AGBL4: variants seen among roughly 807,000 people sequenced by gnomAD.
The protein encoded by AGBL4 is AGBL carboxypeptidase 4.
AGBL4 carries 58 observed loss-of-function variants against 66.4 expected under a neutral mutation model. The ratio of observed to expected loss-of-function variants is 0.87; its 90% confidence interval spans 0.71 to 1.09. The LOEUF (loss-of-function observed/expected upper bound fraction) is 1.09. Ranked by LOEUF, AGBL4 falls within the 50% of genes least tolerant of loss-of-function variation. AGBL4 has a pLI of 0.00. For missense variants in AGBL4, 579 were observed against 631.0 expected, an observed-to-expected ratio of 0.92 and a Z score of 0.88; for synonymous variants, 234 against 222.9, an observed-to-expected ratio of 1.05 and a Z score of -0.44.
intron 3 of AGBL4, among the ~76,000 whole-genome samples, chr1:49,322,935 G>A (rs1027747688): frequency 6.6e-6 from 1 of 152,156 alleles, no homozygotes; most frequent in Non-Finnish European, 1.5e-5. Context: ...TTCTGAGTGG[G>A]AAACAAGTAT....
In AGBL4 at chr1:49,543,848, C is replaced by T. The variant is rs190249532; in HGVS notation, c.282+153465G>A. 5.9e-5 allele frequency among the ~76,000 whole-genome samples: 9 copies of T among 152,288 alleles called. No homozygotes were observed. The East Asian group carries it at 9.7e-4, about 16-fold the overall frequency. On this transcript the variant is annotated intron_variant, in intron 3 of 13. Coordinates refer to ENST00000371839, the MANE Select transcript of AGBL4 (RefSeq NM_032785.4). ...AAAGTATCCCCTCGTAACTGTTGCA[C>T]TTTGAATTCTTGTTGTTTCACAAAA...
At chr1:48,604,147 CAAAACAA>C (rs960491748) in intron 9 of AGBL4, among the ~76,000 whole-genome samples, 6 of 151,730 alleles carry the variant, frequency 4.0e-5, no homozygotes, top group Admixed American at 6.6e-5. Context: ...CAAAACAAAA[CAAAACAA>C]AACAAAACAA....
chr1:49,618,833 C>T (rs534518554), intron 3 of AGBL4, among the ~76,000 whole-genome samples: 28 of 152,206 alleles, frequency 1.8e-4, no homozygotes, highest in African/African-American at 6.0e-4. Flanking sequence ...AATCAATAAA[C>T]GTAATACATC....
intron 8 of AGBL4, among the ~76,000 whole-genome samples, chr1:48,640,377 GT>G (rs1645734991): frequency 6.6e-6 from 1 of 152,088 alleles, no homozygotes. Context: ...ATAAACCCAG[GT>G]GCAGAGAAGA....
At chr1:49,632,053 T>C (rs1645580324) in intron 3 of AGBL4, among the ~76,000 whole-genome samples, 2 of 152,192 alleles carry the variant, frequency 1.3e-5, no homozygotes, top group Non-Finnish European at 2.9e-5. Context: ...CTGCCACATA[T>C]GTGCAGCACT....
At chr1:49,839,656 A>C (rs1272161590) in intron 2 of AGBL4, among the ~76,000 whole-genome samples, 1 of 152,182 alleles carries the variant, frequency 6.6e-6, no homozygotes, top group East Asian at 1.9e-4. Context: ...GACCAGAGAG[A>C]GGTGGAGTAG....
At chr1:49,724,332 A>ATTTT in intron 2 of AGBL4, among the ~76,000 whole-genome samples, 1 of 152,150 alleles carries the variant, frequency 6.6e-6, no homozygotes, top group Non-Finnish European at 1.5e-5. Flanking sequence ...ATATTTTATA[A>ATTTT]AATACTTGCT....
intron 3 of AGBL4, among the ~76,000 whole-genome samples, chr1:49,627,826 T>C (rs1645493681): frequency 6.6e-6 from 1 of 152,194 alleles, no homozygotes; most frequent in South Asian, 2.1e-4. Flanking sequence ...TGCAACTGTG[T>C]TGGATTAAAC....
At chr1:48,555,609 A>T (rs1449602654) in intron 11 of AGBL4, among the ~76,000 whole-genome samples, 1 of 152,232 alleles carries the variant, frequency 6.6e-6, no homozygotes, top group African/African-American at 2.4e-5. Flanking sequence ...TCTCCTGCAG[A>T]TAATGGGAAG....
At chr1:49,639,385 A>G (rs541047393) in intron 3 of AGBL4, among the ~76,000 whole-genome samples, 5 of 152,318 alleles carry the variant, frequency 3.3e-5, no homozygotes, top group Non-Finnish European at 7.3e-5. Flanking sequence ...AAATCCTCAT[A>G]ACAACTTGAT....
chr1:49,093,354 T>G (rs1645034284), intron 4 of AGBL4, among the ~76,000 whole-genome samples: 1 of 152,156 alleles, frequency 6.6e-6, no homozygotes, highest in Admixed American at 6.5e-5. Flanking sequence ...AGCCAATATC[T>G]TACTAGATTC....
At chr1:48,532,085 A>AT (rs1643909692), downstream of AGBL4, among the ~76,000 whole-genome samples, 1 of 152,148 alleles carries the variant, frequency 6.6e-6, no homozygotes, top group African/African-American at 2.4e-5. Context: ...CACCCGGCCT[A>AT]TTTTTTATTT....
chr1:49,573,154 G>A (rs1048444561), intron 3 of AGBL4, among the ~76,000 whole-genome samples: 2 of 142,172 alleles, frequency 1.4e-5, no homozygotes, highest in East Asian at 2.0e-4. Context: ...GTCTGTGTGT[G>A]TGTGTGTGTG....
At chr1:49,474,654 A>G (rs1646811635) in intron 3 of AGBL4, among the ~76,000 whole-genome samples, 1 of 151,642 alleles carries the variant, frequency 6.6e-6, no homozygotes, top group Admixed American at 6.6e-5. Context: ...GTATCCTGAG[A>G]CTTTGCTGAA....
intron 3 of AGBL4, among the ~76,000 whole-genome samples, chr1:49,359,778 T>C (rs1644098587): frequency 6.6e-6 from 1 of 152,030 alleles, no homozygotes; most frequent in Non-Finnish European, 1.5e-5. Flanking sequence ...GAAAGGGCCA[T>C]GTACCCACAG....
chr1:49,067,887 G>A (rs923212204), intron 4 of AGBL4, among the ~76,000 whole-genome samples: 6 of 148,980 alleles, frequency 4.0e-5, no homozygotes, highest in East Asian at 2.0e-4. Flanking sequence ...GGTATTTCTC[G>A]TAATGCTATC....
intron 3 of AGBL4, among the ~76,000 whole-genome samples, chr1:49,463,076 C>T (rs1646550208): frequency 1.3e-5 from 2 of 151,716 alleles, no homozygotes; most frequent in Admixed American, 1.3e-4. Context: ...CTTTGAACTT[C>T]CATGGGCCAG....
intron 2 of AGBL4, among the ~76,000 whole-genome samples, chr1:49,709,698 C>T (rs566716439): frequency 6.6e-6 from 1 of 152,138 alleles, no homozygotes; most frequent in South Asian, 2.1e-4. Flanking sequence ...ATCCATCTGA[C>T]AAAAAGCTAA....
At chr1:49,622,436 C>T (rs1451174597) in intron 3 of AGBL4, among the ~76,000 whole-genome samples, 3 of 151,036 alleles carry the variant, frequency 2.0e-5, no homozygotes, top group East Asian at 1.9e-4. Context: ...GAGACCATCC[C>T]GGCTAAAACG....
Sources: allele counts gnomAD v4.1 joint callset (sites outside exome capture counted in the v4.1 genomes callset), GRCh38; gene constraint gnomAD v4.1.1; transcripts MANE v1.5; gene names NCBI Gene and HGNC (gene_info 2026-07-23, HGNC 2026-07-21).